The following UBQLN1 variants were observed in gnomAD, a reference collection of about 807,000 sequenced individuals.
UBQLN1 encodes ubiquilin-1.
A neutral mutation model predicts 65.4 loss-of-function variants in UBQLN1; 13 were observed. The ratio of observed to expected loss-of-function variants is 0.20; its 90% CI spans 0.13 to 0.32. The LOEUF (loss-of-function observed/expected upper bound fraction) is 0.32. Ranked by LOEUF, UBQLN1 falls within the 10% of genes least tolerant of loss-of-function variation. UBQLN1 has a pLI of 1.00. For synonymous variants in UBQLN1, 267 were observed against 247.8 expected (o/e 1.08, Z -0.73); for missense variants, 561 against 724.0 (o/e 0.77, Z 2.58).
intron 1 of UBQLN1, among the ~76,000 whole-genome samples, chr9:83,706,481 C>G (rs1009138229): frequency 6.6e-6 from 1 of 152,182 alleles, no homozygotes; most frequent in Non-Finnish European, 1.5e-5. Context: ...ACCTTTGGAA[C>G]TCGTTAAACC....
chr9:83,677,114 C>T (rs1031465760), intron 6 of UBQLN1, among the ~76,000 whole-genome samples: 2 of 152,142 alleles, frequency 1.3e-5, no homozygotes, highest in African/African-American at 2.4e-5. Context: ...CCAGTATAGC[C>T]CTGACCTCAA....
intron 5 of UBQLN1, among the ~76,000 whole-genome samples, 183 bp from the exon 6 acceptor site, chr9:83,678,144 C>A (rs1440954728): frequency 6.6e-6 from 1 of 151,792 alleles, no homozygotes; most frequent in Non-Finnish European, 1.5e-5. Flanking sequence ...GCCTCAGCCT[C>A]CCGAGTAGCT....
Position 83,666,449 on chromosome 9 carries a change from TCAAA to T in UBQLN1, c.1249-20_1249-17del, listed in dbSNP as rs1831644512. The T allele has an allele frequency of 6.2e-7, 1 of 1,612,010 alleles. No individual in the cohort carries two copies. The highest frequency in any genetic ancestry group is 8.5e-7 in the Non-Finnish European group (1 of 1,178,282). On this transcript the variant is annotated splice_polypyrimidine_tract_variant and intron_variant, in intron 7 of 10. Transcript: ENST00000376395. Reference sequence around the variant, plus strand: ...TCAGCATCATCTATGGGGCAAGTGTTCAAACAATTTTAACTGGAAATATCTGAAA... The same window carrying T: ...TCAGCATCATCTATGGGGCAAGTGTTCAATTTTAACTGGAAATATCTGAAA...
intron 6 of UBQLN1, among the ~76,000 whole-genome samples, chr9:83,669,785 C>A (rs750334525): frequency 3.3e-5 from 5 of 152,160 alleles, no homozygotes; most frequent in Non-Finnish European, 7.4e-5. Context: ...AATGCCTCCA[C>A]CCATTTTCAC....
Position 83,677,830 on chromosome 9 carries a change from A to G in UBQLN1, c.1002T>C (p.Ala334=), listed in dbSNP as rs138041493. The change falls in exon 6 of 11, where the codon GCT becomes GCC. Residue 334 remains alanine, a synonymous_variant. Coordinates refer to ENST00000376395, the MANE Select transcript of UBQLN1 (RefSeq NM_013438.5). ...WAPQTSQSSS[A]SSGTASTVGG... ...CCACAGTGCTGGCAGTGCCGCTGGA[A>G]GCTGATGAACTCTGGGAAGTCTGTG... 63 of 1,614,090 alleles carry G rather than the reference A, an allele frequency of 3.9e-5. No homozygotes were observed. In the African/African-American group the frequency reaches 6.9e-4, roughly 18 times the overall value.
rs187832826 is a variant in UBQLN1, at chr9:83,683,798, G to A, written c.333-732C>T. 9.1e-3 allele frequency among the ~76,000 whole-genome samples: 1,385 copies of A among 152,218 alleles called. 22 individuals are homozygous for A. The highest frequency in any genetic ancestry group is 0.032 in the African/African-American group (1,313 of 41,524). ...AGCACTTTGCGAGGCCGAGGCAGGCGATCAACTGAGGTCAGGAGTTCAAGA... is the reference window on the plus strand; with the variant it reads ...AGCACTTTGCGAGGCCGAGGCAGGCAATCAACTGAGGTCAGGAGTTCAAGA... On this transcript the variant is annotated intron_variant, in intron 2 of 10. Coordinates refer to ENST00000376395, the MANE Select transcript of UBQLN1 (RefSeq NM_013438.5).
chr9:83,671,611 A>C (rs1284903289), intron 6 of UBQLN1, among the ~76,000 whole-genome samples: 1 of 152,254 alleles, frequency 6.6e-6, no homozygotes, highest in Middle Eastern at 3.4e-3. Flanking sequence ...TCACCAGTAG[A>C]CTTAAAATAT....
chr9:83,663,867 A>G lies in UBQLN1; in HGVS notation c.1617+8T>C. 6.2e-7 allele frequency: 1 copy of G among 1,610,944 alleles called. No homozygotes were observed. Among genetic ancestry groups the G allele is most frequent in the Non-Finnish European group, 8.5e-7 (1 of 1,179,042 alleles). ...GAATACAAAACTTGAATGGAAAAGAACTGATACCTGAGGATTTACTCCAGC... is the reference window on the plus strand; with the variant it reads ...GAATACAAAACTTGAATGGAAAAGAGCTGATACCTGAGGATTTACTCCAGC... On this transcript the variant is annotated splice_region_variant and intron_variant, in intron 10 of 10. Transcript: ENST00000376395.
chr9:83,664,818 CTGAGG>C (rs1831616740), intron 9 of UBQLN1, among the ~76,000 whole-genome samples: 1 of 148,518 alleles, frequency 6.7e-6, no homozygotes, highest in Admixed American at 6.9e-5. Flanking sequence ...ACTTGGGAGG[CTGAGG>C]TGAGAGAATC....
chr9:83,702,411 G>T (rs1464875634), intron 1 of UBQLN1, among the ~76,000 whole-genome samples: 3 of 152,140 alleles, frequency 2.0e-5, no homozygotes, highest in South Asian at 2.1e-4. Context: ...AGAAAACAAT[G>T]ATCTCACAGA....
At chr9:83,674,607 T>A (rs553545614) in intron 6 of UBQLN1, among the ~76,000 whole-genome samples, 3 of 152,126 alleles carry the variant, frequency 2.0e-5, no homozygotes, top group Non-Finnish European at 4.4e-5. Context: ...CCAGAGAAAA[T>A]AAACTCACTG....
chr9:83,663,029 T>C (rs1040922228), intron 10 of UBQLN1, among the ~76,000 whole-genome samples: 6 of 148,480 alleles, frequency 4.0e-5, no homozygotes, highest in African/African-American at 1.5e-4. Flanking sequence ...TGAGCTGTGA[T>C]TGCATCCAGC....
intron 1 of UBQLN1, among the ~76,000 whole-genome samples, chr9:83,696,986 G>A (rs1297086299): frequency 6.6e-6 from 1 of 152,042 alleles, no homozygotes; most frequent in Non-Finnish European, 1.5e-5. Context: ...ATGTTGCCCA[G>A]GCTGGCGTGG....
At chr9:83,666,200 G>T in intron 8 of UBQLN1, 150 bp downstream of exon 8, 1 of 670,900 alleles carries the variant, frequency 1.5e-6, no homozygotes, top group Non-Finnish European at 2.6e-6. Context: ...ACTCAGTGAA[G>T]ATCAAGCTGA....
At chr9:83,669,367 T>C (rs1477124832) in intron 6 of UBQLN1, 40 bp from the exon 7 acceptor site, 7 of 1,546,562 alleles carry the variant, frequency 4.5e-6, no homozygotes, top group South Asian at 1.2e-5. Context: ...TAAGGAAAAA[T>C]ACTTAAACAA....
At chr9:83,703,556 C>T (rs1441162358) in intron 1 of UBQLN1, among the ~76,000 whole-genome samples, 1 of 152,042 alleles carries the variant, frequency 6.6e-6, no homozygotes, top group Non-Finnish European at 1.5e-5. Context: ...GTCCCAAACA[C>T]TTCTGGTCCC....
intron 1 of UBQLN1, among the ~76,000 whole-genome samples, chr9:83,706,551 T>A (rs1467313466): frequency 6.6e-6 from 1 of 152,230 alleles, no homozygotes; most frequent in African/African-American, 2.4e-5. Context: ...GGAATTGTTG[T>A]TTCCTGTCAC....
At chr9:83,664,111 TACATTTTAATATA>T in intron 9 of UBQLN1, 68 bp from the exon 10 acceptor site, 23 of 1,500,322 alleles carry the variant, frequency 1.5e-5, no homozygotes, top group East Asian at 2.3e-5. Flanking sequence ...GTAAATCAGT[TACATTTTAATATA>T]AGCTAAGCCA....
At chr9:83,680,737 T>C (rs953586572) in intron 3 of UBQLN1, among the ~76,000 whole-genome samples, 1 of 152,208 alleles carries the variant, frequency 6.6e-6, no homozygotes, top group Admixed American at 6.5e-5. Flanking sequence ...TAAACATAAG[T>C]GTTTCCTTGA....
Sources: allele counts gnomAD v4.1 joint callset (sites outside exome capture counted in the v4.1 genomes callset), GRCh38; gene constraint gnomAD v4.1.1; transcripts MANE v1.5; gene names NCBI Gene and HGNC (gene_info 2026-07-23, HGNC 2026-07-21).